Variants in SRBD1 observed in about 807,000 individuals in gnomAD.
SRBD1 encodes the protein S1 RNA-binding domain-containing protein 1.
In SRBD1, 88 loss-of-function variants were observed where a neutral mutation model predicts 115.3. The observed-to-expected ratio is 0.76, with a 90% CI of 0.64 to 0.91. The LOEUF (loss-of-function observed/expected upper bound fraction) is 0.91. Ranked by LOEUF, SRBD1 falls within the 40% of genes least tolerant of loss-of-function variation. The pLI is 0.00. For synonymous variants in SRBD1, 509 were observed against 407.7 expected (o/e 1.25, Z -2.99); for missense variants, 1,385 against 1,177.4 (o/e 1.18, Z -2.58).
At chr2:45,469,953 G>A (rs1269783553) in intron 16 of SRBD1, among the ~76,000 whole-genome samples, 1 of 152,190 alleles carries the variant, frequency 6.6e-6, no homozygotes, top group African/African-American at 2.4e-5. Context: ...CTCAGTTTTA[G>A]AACAATTTCC....
At chr2:45,535,031 C>G (rs1192598347) in intron 14 of SRBD1, among the ~76,000 whole-genome samples, 1 of 151,918 alleles carries the variant, frequency 6.6e-6, no homozygotes, top group African/African-American at 2.4e-5. Flanking sequence ...TAGATTAGGT[C>G]CAAAAACTCA....
chr2:45,448,461 G>C (rs1166070965), intron 16 of SRBD1, among the ~76,000 whole-genome samples: 1 of 152,084 alleles, frequency 6.6e-6, no homozygotes, highest in Non-Finnish European at 1.5e-5. Context: ...TATGACAAAG[G>C]TATTCAGCAT....
At chr2:45,515,743 T>G (rs576765599) in intron 14 of SRBD1, among the ~76,000 whole-genome samples, 2 of 152,268 alleles carry the variant, frequency 1.3e-5, no homozygotes, top group South Asian at 4.1e-4. Flanking sequence ...AAAAATAGAT[T>G]ACATGAAGAA....
chr2:45,536,882 CTG>C (rs1671779524), intron 14 of SRBD1, among the ~76,000 whole-genome samples: 1 of 152,112 alleles, frequency 6.6e-6, no homozygotes, highest in South Asian at 2.1e-4. Context: ...AGGCTGAAAA[CTG>C]TAATTTCATA....
chr2:45,395,832 T>C (rs1022024396), intron 19 of SRBD1, among the ~76,000 whole-genome samples: 2 of 152,210 alleles, frequency 1.3e-5, no homozygotes, highest in Non-Finnish European at 2.9e-5. Context: ...AATAAACATA[T>C]GTTCCTTAAA....
intron 16 of SRBD1, among the ~76,000 whole-genome samples, chr2:45,456,910 A>T (rs746994392): frequency 3.9e-5 from 6 of 151,904 alleles, no homozygotes; most frequent in Non-Finnish European, 8.8e-5. Flanking sequence ...CATTTAATTC[A>T]TGGTATGTAA....
intron 14 of SRBD1, among the ~76,000 whole-genome samples, chr2:45,493,574 G>A (rs1008519918): frequency 6.6e-6 from 1 of 152,042 alleles, no homozygotes; most frequent in Non-Finnish European, 1.5e-5. Flanking sequence ...ACTTTGGGAG[G>A]CCCAGGTGGG....
chr2:45,410,629 G>C lies in SRBD1; in HGVS notation c.2513+2485C>G, dbSNP rs761374091. 6.8e-4 allele frequency among the ~76,000 whole-genome samples: 104 copies of C among 152,190 alleles called. 1 individual carries two copies. The highest frequency in any genetic ancestry group is 1.5e-4 in the Non-Finnish European group (10 of 68,044). On this transcript the variant is annotated intron_variant, in intron 19 of 20. Transcript: ENST00000263736. ...AGCTGGGGTCCCCTAGATACCTTCAGGATAGGGGATGGTCACCAGAAAAAC... is the reference window on the plus strand; with the variant it reads ...AGCTGGGGTCCCCTAGATACCTTCACGATAGGGGATGGTCACCAGAAAAAC...
rs768875734 is a variant in SRBD1 at position 45,551,189 on chromosome 2, G to A, written c.1611C>T (p.Arg537=). The A allele has an allele frequency of 1.2e-6, 2 of 1,612,808 alleles. No individual in the cohort carries two copies. The highest frequency in any genetic ancestry group is 1.3e-5 in the African/African-American group (1 of 75,004). The change falls in exon 12 of 21, where the codon CGC becomes CGT. Residue 537 remains arginine (R), a synonymous_variant. Coordinates refer to ENST00000263736, the MANE Select transcript of SRBD1 (RefSeq NM_018079.5). ...QLLLTSPVPG[R]TLMGVDPGYK... ...AACCAGGATCCACTCCCATTAAGGT[G>A]CGCCCTGGAACAGGGCTTGTTAAAA...
intron 16 of SRBD1, among the ~76,000 whole-genome samples, chr2:45,475,372 C>G (rs1006523761): frequency 6.6e-6 from 1 of 152,170 alleles, no homozygotes; most frequent in African/African-American, 2.4e-5. Context: ...TCACTCTTCC[C>G]AGATCAGCCA....
intron 16 of SRBD1, among the ~76,000 whole-genome samples, chr2:45,476,380 A>T (rs1669803237): frequency 6.6e-6 from 1 of 152,146 alleles, no homozygotes. Context: ...TACAGAAGGA[A>T]ATACTCTATT....
chr2:45,453,565 A>G lies in SRBD1; in HGVS notation c.2049+23428T>C, dbSNP rs968032791. Among the ~76,000 whole-genome samples, 3 of 151,980 alleles carry G rather than the reference A, an allele frequency of 2.0e-5. No homozygotes were observed. In the East Asian group the frequency reaches 5.8e-4, roughly 29 times the overall value. On this transcript the variant is annotated intron_variant, in intron 16 of 20. Transcript: ENST00000263736. ...CATTCTGTTTACATACATGGAGAGA[A>G]AAAATGTAAAACATGTTGAGAGTTC...
rs888345676 is a variant in SRBD1, at chr2:45,551,908, A to G, written c.1518-626T>C. The stretch of plus-strand genomic sequence containing the variant: ...AAGGGCGATTTGTAATATGCATTGG[A>G]AAAGACAAGACAGAAGACCAAGATC... On this transcript the variant is annotated intron_variant, in intron 11 of 20. Transcript: ENST00000263736. Among the ~76,000 whole-genome samples the G allele has an allele frequency of 1.8e-4, 27 of 152,212 alleles. 1 individual carries two copies.
intron 10 of SRBD1, among the ~76,000 whole-genome samples, chr2:45,557,404 T>A (rs1352390355): frequency 6.6e-6 from 1 of 152,186 alleles, no homozygotes; most frequent in Non-Finnish European, 1.5e-5. Flanking sequence ...AAGCCAGAAA[T>A]CTTAAATATC....
intron 14 of SRBD1, among the ~76,000 whole-genome samples, chr2:45,530,390 C>T (rs920727015): frequency 1.3e-4 from 19 of 151,866 alleles, no homozygotes; most frequent in African/African-American, 4.1e-4. Context: ...TCCTAAATTA[C>T]GTAGGATACA....
chr2:45,404,853 G>A (rs1440493953), intron 19 of SRBD1, among the ~76,000 whole-genome samples: 1 of 151,914 alleles, frequency 6.6e-6, no homozygotes, highest in Non-Finnish European at 1.5e-5. Context: ...CTCTGCTCTG[G>A]CCACACTGGC....
chr2:45,547,772 C>T (rs553555539), intron 12 of SRBD1, among the ~76,000 whole-genome samples, 160 bp from the exon 13 acceptor site: 1 of 152,214 alleles, frequency 6.6e-6, no homozygotes, highest in African/African-American at 2.4e-5. Context: ...TTCCTAACCT[C>T]TCTGAAGTAT....
intron 14 of SRBD1, among the ~76,000 whole-genome samples, chr2:45,528,816 A>C (rs116156076): frequency 0.012 from 1,769 of 152,060 alleles, 15 homozygotes; most frequent in Middle Eastern, 0.024. Context: ...TAACAGGCTT[A>C]GAAGTACAAT....
intron 14 of SRBD1, among the ~76,000 whole-genome samples, chr2:45,507,603 C>A (rs1211831201): frequency 6.6e-6 from 1 of 151,852 alleles, no homozygotes; most frequent in African/African-American, 2.4e-5. Context: ...CACCTATAAT[C>A]CCAGCTACTC....
Sources: allele counts gnomAD v4.1 joint callset (sites outside exome capture counted in the v4.1 genomes callset), GRCh38; gene constraint gnomAD v4.1.1; transcripts MANE v1.5; gene names NCBI Gene and HGNC (gene_info 2026-07-23, HGNC 2026-07-21).